Variants in CCDC171 observed in about 807,000 individuals in gnomAD.
The protein encoded by CCDC171 is coiled-coil domain-containing protein 171.
A neutral mutation model predicts 168.2 loss-of-function variants in CCDC171; 177 were observed. That is an observed-to-expected ratio of 1.05 (90% CI 0.93 to 1.19). The LOEUF (loss-of-function observed/expected upper bound fraction) is 1.19, where lower values mean the gene tolerates loss of function less well. Among genes scored for constraint, CCDC171 ranks in the 50% most tolerant of loss-of-function variants. The pLI is 0.00. For missense variants in CCDC171, 1,991 were observed against 1,539.0 expected, an observed-to-expected ratio of 1.29 and a Z score of -4.91; for synonymous variants, 687 against 540.8, an observed-to-expected ratio of 1.27 and a Z score of -3.75.
At chr9:15,987,296 G>A (rs1015379081) in intron 3 of CCDC171, among the ~76,000 whole-genome samples, 1 of 152,068 alleles carries the variant, frequency 6.6e-6, no homozygotes, top group South Asian at 2.1e-4. Flanking sequence ...GGAGGGTGAG[G>A]ATTGAAAAAC....
At chr9:15,807,972 G>C (rs2059155728) in intron 21 of CCDC171, among the ~76,000 whole-genome samples, 1 of 151,660 alleles carries the variant, frequency 6.6e-6, no homozygotes. Flanking sequence ...TGGTTGTTCA[G>C]TATCTGAAAA....
At chr9:15,736,315 G>C (rs536514664) in intron 16 of CCDC171, among the ~76,000 whole-genome samples, 1 of 151,554 alleles carries the variant, frequency 6.6e-6, no homozygotes, top group East Asian at 1.9e-4. Flanking sequence ...CTGAAAATAG[G>C]TATAGTGATA....
chr9:15,699,292 G>A (rs1236084669), intron 11 of CCDC171, among the ~76,000 whole-genome samples: 1 of 152,116 alleles, frequency 6.6e-6, no homozygotes, highest in Non-Finnish European at 1.5e-5. Context: ...CGCTGGCTCA[G>A]GAGTGAAGCT....
chr9:15,604,872 A>T (rs1423910511), intron 6 of CCDC171, among the ~76,000 whole-genome samples: 1 of 152,202 alleles, frequency 6.6e-6, no homozygotes, highest in Non-Finnish European at 1.5e-5. Flanking sequence ...AGATATGAAC[A>T]TCAACAGATG....
intron 4 of CCDC171, among the ~76,000 whole-genome samples, chr9:15,588,865 G>A (rs1420360982): frequency 2.0e-5 from 3 of 151,666 alleles, no homozygotes; most frequent in Admixed American, 6.6e-5. Context: ...CCGCCACCAC[G>A]CCCGGCTAAT....
intron 16 of CCDC171, among the ~76,000 whole-genome samples, chr9:15,742,037 C>T (rs1437581077): frequency 6.6e-6 from 1 of 151,918 alleles, no homozygotes; most frequent in Non-Finnish European, 1.5e-5. Flanking sequence ...CTAAGTGTTG[C>T]TAGTTTGCCT....
chr9:15,624,908 A>G (rs1468654983), intron 7 of CCDC171, among the ~76,000 whole-genome samples: 1 of 152,158 alleles, frequency 6.6e-6, no homozygotes, highest in African/African-American at 2.4e-5. Flanking sequence ...ACCATGGTTA[A>G]ACTAGTTTAC....
chr9:15,569,744 G>A (rs1587023744), intron 2 of CCDC171, among the ~76,000 whole-genome samples: 2 of 151,652 alleles, frequency 1.3e-5, no homozygotes, highest in East Asian at 3.9e-4. Context: ...GAACCCGGGA[G>A]GCGGAGCTTG....
At chr9:15,601,238 C>G (rs1348163227) in intron 6 of CCDC171, among the ~76,000 whole-genome samples, 1 of 152,206 alleles carries the variant, frequency 6.6e-6, no homozygotes, top group Non-Finnish European at 1.5e-5. Context: ...TTGCTGGGAG[C>G]TGTAGACTGG....
chr9:16,026,080 C>T (rs1422988406), intron 6 of CCDC171, among the ~76,000 whole-genome samples: 1 of 152,190 alleles, frequency 6.6e-6, no homozygotes, highest in East Asian at 1.9e-4. Context: ...GATCACGATA[C>T]TCAGAGATAC....
At chr9:15,642,339 GTGTGTA>G (rs2046687082) in intron 7 of CCDC171, among the ~76,000 whole-genome samples, 2 of 83,714 alleles carry the variant, frequency 2.4e-5, no homozygotes, top group African/African-American at 1.3e-4. Context: ...ACACGTGTGT[GTGTGTA>G]TATATATATA....
At chr9:16,045,214 T>C (rs1230572854) in intron 1 of CCDC171, among the ~76,000 whole-genome samples, 1 of 152,024 alleles carries the variant, frequency 6.6e-6, no homozygotes, top group Non-Finnish European at 1.5e-5. Context: ...AGTGGCGCAA[T>C]GGGGAGGAAT....
At chr9:15,656,366 A>G (rs2047935675) in intron 7 of CCDC171, among the ~76,000 whole-genome samples, 1 of 151,874 alleles carries the variant, frequency 6.6e-6, no homozygotes, top group Non-Finnish European at 1.5e-5. Flanking sequence ...CATTTCACCC[A>G]TTCATTCCAT....
At chr9:15,887,694 G>C (rs372327829) in intron 24 of CCDC171, 26 of 150,818 alleles carry the variant, frequency 1.7e-4, no homozygotes, top group African/African-American at 6.1e-4. Flanking sequence ...ATTTTCAAAG[G>C]AAAAATAAAA....
At chr9:15,596,259 A>C (rs1315600036) in intron 6 of CCDC171, among the ~76,000 whole-genome samples, 2 of 152,088 alleles carry the variant, frequency 1.3e-5, no homozygotes, top group Non-Finnish European at 2.9e-5. Flanking sequence ...GTTTTCTTCT[A>C]GGGTTTTTAT....
intron 1 of CCDC171, among the ~76,000 whole-genome samples, chr9:16,059,614 A>G (rs1433740029): frequency 5.7e-5 from 8 of 140,216 alleles, no homozygotes; most frequent in Admixed American, 4.6e-4. Context: ...TCCCAGGTTC[A>G]CGCCATTCTC....
At chr9:16,090,036 G>C in the CCDC171 span, among the ~76,000 whole-genome samples, 3 of 152,180 alleles carry the variant, frequency 2.0e-5, no homozygotes, top group African/African-American at 7.2e-5. Context: ...TCTAGAACCA[G>C]AAATACCGTT....
chr9:15,925,811 A>G (rs1209797126), intron 25 of CCDC171, among the ~76,000 whole-genome samples: 3 of 151,696 alleles, frequency 2.0e-5, no homozygotes, highest in South Asian at 4.1e-4. Flanking sequence ...TCAGGGACAT[A>G]TAGGTAGTAC....
At chr9:15,998,954 T>A (rs1832451829) in intron 3 of CCDC171, among the ~76,000 whole-genome samples, 1 of 152,154 alleles carries the variant, frequency 6.6e-6, no homozygotes, top group Admixed American at 6.5e-5. Flanking sequence ...AAGAGACAAC[T>A]TTTTCTGAAA....
Sources: gnomAD v4.1 joint callset for allele counts (sites outside exome capture counted in the v4.1 genomes callset) on GRCh38, gnomAD v4.1.1 for gene constraint, MANE v1.5 for transcripts, NCBI Gene and HGNC (gene_info 2026-07-23, HGNC 2026-07-21) for gene names.